Variants in SH3RF2 observed in about 807,000 individuals in gnomAD.
The protein encoded by SH3RF2 is E3 ubiquitin-protein ligase SH3RF2.
A neutral mutation model predicts 59.0 loss-of-function variants in SH3RF2; 43 were observed. The observed-to-expected ratio is 0.73, with a 90% CI of 0.57 to 0.94. The LOEUF is 0.94. SH3RF2 is among the 40% of genes least tolerant of loss of function. The pLI is 0.00. For missense variants in SH3RF2, 930 were observed against 940.1 expected, an observed-to-expected ratio of 0.99 and a Z score of 0.14; for synonymous variants, 391 against 391.5, an observed-to-expected ratio of 1.00 and a Z score of 0.01.
In SH3RF2 at chr5:145,995,472, C is replaced by T. The variant is rs1479299285; in HGVS notation, c.379-4586C>T. On this transcript the variant is annotated intron_variant, in intron 2 of 9. Coordinates refer to ENST00000359120, the MANE Select transcript of SH3RF2 (RefSeq NM_152550.4). ...CCCATTCTCATCCAGCTTTTACGTG[C>T]TTATTTCTCAGGTAGGGAACACCTT... is the stretch of plus-strand genomic sequence containing the variant. 2.0e-5 allele frequency among the ~76,000 whole-genome samples: 3 copies of T among 152,138 alleles called. No homozygotes were observed. In the East Asian group the frequency reaches 5.8e-4, roughly 29 times the overall value.
rs74425453 is a variant in SH3RF2 at position 146,024,568 on chromosome 5, C to A, written c.1059+10507C>A. 2.4e-3 allele frequency among the ~76,000 whole-genome samples: 370 copies of A among 152,302 alleles called. 2 individuals are homozygous for A. The highest frequency in any genetic ancestry group is 0.023 in the East Asian group (117 of 5,180). ...TTTGAAGCACAAAAGCTTTTCATCA[C>A]ATCTACTCTTTCCTTTGTTGCTTGT... On this transcript the variant is annotated intron_variant, in intron 5 of 9. Transcript: ENST00000359120.
intron 4 of SH3RF2, among the ~76,000 whole-genome samples, chr5:146,008,149 A>G (rs1005202811): frequency 6.6e-6 from 1 of 152,250 alleles, no homozygotes; most frequent in Non-Finnish European, 1.5e-5. Flanking sequence ...GACTCCTCCA[A>G]TGGAGCCTGC....
chr5:145,977,250 A>G (rs1245159349), intron 2 of SH3RF2, among the ~76,000 whole-genome samples: 1 of 152,256 alleles, frequency 6.6e-6, no homozygotes, highest in African/African-American at 2.4e-5. Context: ...GTCGCTTATC[A>G]TCTACACTTT....
At chr5:146,047,973 A>G in intron 6 of SH3RF2, 110 bp downstream of exon 6, 1 of 1,048,166 alleles carries the variant, frequency 9.5e-7, no homozygotes, top group Non-Finnish European at 1.4e-6. Context: ...ATCCAGAGAC[A>G]ATAGGTCGCC....
At chr5:146,002,303 T>C (rs2149984890) in intron 3 of SH3RF2, among the ~76,000 whole-genome samples, 1 of 152,062 alleles carries the variant, frequency 6.6e-6, no homozygotes, top group South Asian at 2.1e-4. Context: ...ATACAAAAAT[T>C]AGTCAGGCGT....
chr5:145,950,612 A>G (rs1319736694), intron 2 of SH3RF2, among the ~76,000 whole-genome samples: 1 of 152,158 alleles, frequency 6.6e-6, no homozygotes, highest in Non-Finnish European at 1.5e-5. Context: ...TACACATGTG[A>G]TCTGGACAAT....
At chr5:146,017,729 C>T (rs765910979) in intron 5 of SH3RF2, among the ~76,000 whole-genome samples, 2 of 152,184 alleles carry the variant, frequency 1.3e-5, no homozygotes, top group Non-Finnish European at 2.9e-5. Flanking sequence ...TTCCATTTCA[C>T]TGCCTTAGTT....
At chr5:145,997,326 C>A (rs923502336) in intron 2 of SH3RF2, 8 of 1,118,326 alleles carry the variant, frequency 7.2e-6, no homozygotes, top group Non-Finnish European at 1.1e-5. Context: ...AGAGCAGCTC[C>A]CCGTATATAC....
downstream of SH3RF2, among the ~76,000 whole-genome samples, chr5:146,064,114 G>C (rs1208673228): frequency 3.3e-5 from 5 of 152,108 alleles, no homozygotes; most frequent in Non-Finnish European, 7.4e-5. Context: ...GACAAAGAAG[G>C]CTGGAGGAGA....
intron 3 of SH3RF2, among the ~76,000 whole-genome samples, chr5:146,000,731 G>T (rs1302880887): frequency 8.5e-5 from 13 of 152,152 alleles, no homozygotes; most frequent in Admixed American, 8.5e-4. Flanking sequence ...TACAATCACT[G>T]TCAACAGCTT....
intron 2 of SH3RF2, among the ~76,000 whole-genome samples, chr5:145,970,249 T>C (rs1397720895): frequency 1.3e-5 from 2 of 152,156 alleles, no homozygotes; most frequent in African/African-American, 4.8e-5. Context: ...ACCCAATTTG[T>C]AGTTTTTTAT....
intron 2 of SH3RF2, among the ~76,000 whole-genome samples, chr5:145,970,912 T>C (rs1283160134): frequency 3.3e-5 from 5 of 152,212 alleles, no homozygotes; most frequent in Non-Finnish European, 7.3e-5. Flanking sequence ...ATTTGATCTC[T>C]ACATTATTCT....
intron 9 of SH3RF2, among the ~76,000 whole-genome samples, chr5:146,061,343 AG>A (rs1476672161): frequency 6.6e-6 from 1 of 152,216 alleles, no homozygotes. Context: ...ATCAGCTCAT[AG>A]GGAAAGGTAT....
intron 2 of SH3RF2, among the ~76,000 whole-genome samples, chr5:145,951,944 G>C (rs149159727): frequency 1.0e-3 from 154 of 152,216 alleles, no homozygotes; most frequent in African/African-American, 3.6e-3. Flanking sequence ...TCTACCTTTT[G>C]ATAGCTGTAT....
chr5:145,974,066 G>T (rs1759190587), intron 2 of SH3RF2, among the ~76,000 whole-genome samples: 1 of 152,160 alleles, frequency 6.6e-6, no homozygotes, highest in African/African-American at 2.4e-5. Flanking sequence ...ACTGAGGAAG[G>T]GTTCACTTCC....
At chr5:145,946,324 C>G (rs1052813968) in intron 2 of SH3RF2, among the ~76,000 whole-genome samples, 2 of 152,174 alleles carry the variant, frequency 1.3e-5, no homozygotes, top group Non-Finnish European at 2.9e-5. Context: ...ACAGGCAACT[C>G]ATCTTATCTC....
Position 145,938,183 on chromosome 5 carries a change from G to A in SH3RF2, c.255G>A (p.Gly85=), listed in dbSNP as rs773633263. 1.9e-6 allele frequency: 3 copies of A among 1,614,018 alleles called. No homozygotes were observed. Among genetic ancestry groups the A allele is most frequent in the Non-Finnish European group, 2.5e-6 (3 of 1,180,022 alleles). ...GCTCAGGGCAGAGCTCCGGGAGAGG[G>A]GGCTCCTTCCGCAGGCCTGGCACGA... is the stretch of plus-strand genomic sequence containing the variant. The part of the protein sequence containing the change: ...GVRSGQSSGR[G]GSFRRPGTMT... Residue 85 remains glycine (G), a synonymous_variant, in exon 2 of 10, where the codon GGG becomes GGA. Coordinates refer to ENST00000359120, the MANE Select transcript of SH3RF2 (RefSeq NM_152550.4).
chr5:145,981,096 T>C (rs1440253330), intron 2 of SH3RF2, among the ~76,000 whole-genome samples: 1 of 152,166 alleles, frequency 6.6e-6, no homozygotes, highest in Non-Finnish European at 1.5e-5. Context: ...TCAATTTTTT[T>C]TCTTTTTTCT....
At chr5:146,036,056 G>A (rs1254165393) in intron 5 of SH3RF2, among the ~76,000 whole-genome samples, 4 of 152,122 alleles carry the variant, frequency 2.6e-5, no homozygotes, top group African/African-American at 9.7e-5. Flanking sequence ...CCTGGTGAGA[G>A]GATTTAACCA....
Sources: allele counts gnomAD v4.1 joint callset (sites outside exome capture counted in the v4.1 genomes callset), GRCh38; gene constraint gnomAD v4.1.1; transcripts MANE v1.5; gene names NCBI Gene and HGNC (gene_info 2026-07-23, HGNC 2026-07-21).